The following RBFOX2 variants were observed in gnomAD, a reference collection of about 807,000 sequenced individuals.
The protein encoded by RBFOX2 is RNA binding protein fox-1 homolog 2.
A neutral mutation model predicts 49.1 loss-of-function variants in RBFOX2; 10 were observed. The ratio of observed to expected loss-of-function variants is 0.20; its 90% CI spans 0.13 to 0.35. RBFOX2 has a LOEUF of 0.35. Ranked by LOEUF, RBFOX2 falls within the 10% of genes least tolerant of loss-of-function variation. The pLI is 1.00. For synonymous variants in RBFOX2, 183 were observed against 187.4 expected (o/e 0.98, Z 0.19); for missense variants, 323 against 486.9 (o/e 0.66, Z 3.17).
At chr22:35,939,119 A>G, upstream of RBFOX2, 2 of 690,388 alleles carry the variant, frequency 2.9e-6, no homozygotes, top group Admixed American at 4.1e-5. Context: ...CATAAAAACT[A>G]TTTCTTCCTT....
upstream of RBFOX2, among the ~76,000 whole-genome samples, chr22:35,941,952 C>T (rs529706930): frequency 6.6e-6 from 1 of 152,070 alleles, no homozygotes; most frequent in South Asian, 2.1e-4. Context: ...ATTAATTTTG[C>T]GTGATTTTGA....
chr22:35,872,754 T>TC, intron 1 of RBFOX2, among the ~76,000 whole-genome samples: 1 of 152,294 alleles, frequency 6.6e-6, no homozygotes, highest in East Asian at 1.9e-4. Flanking sequence ...CTGGTGTTCG[T>TC]CTCTTGACAT....
intron 1 of RBFOX2, among the ~76,000 whole-genome samples, chr22:35,872,702 C>G (rs1338647307): frequency 1.3e-5 from 2 of 152,208 alleles, no homozygotes; most frequent in Non-Finnish European, 2.9e-5. Context: ...GGCTTGCTCC[C>G]TTGACGTCCT....
rs559981188 is a variant in RBFOX2, at chr22:35,791,219, C to T, written c.253-9473G>A. Reference sequence around the variant, plus strand: ...GGCCAACATGGTGAAACCTCGTCTCCACTAAAAATACAAAAATTAGCCAGG... The same window carrying T: ...GGCCAACATGGTGAAACCTCGTCTCTACTAAAAATACAAAAATTAGCCAGG... On this transcript the variant is annotated intron_variant, in intron 2 of 11. Transcript: ENST00000405409. Among the ~76,000 whole-genome samples, 18 of 151,602 alleles carry T rather than the reference C, an allele frequency of 1.2e-4. No homozygotes were observed. The East Asian group carries it at 3.3e-3, about 28-fold the overall frequency.
intron 1 of RBFOX2, among the ~76,000 whole-genome samples, chr22:35,813,197 C>G (rs1371999193): frequency 6.6e-6 from 1 of 152,106 alleles, no homozygotes; most frequent in African/African-American, 2.4e-5. Context: ...AACATTTTCT[C>G]TCATATAGCA....
At chr22:36,019,124 T>C (rs999639221) in intron 1 of RBFOX2, among the ~76,000 whole-genome samples, 7 of 152,200 alleles carry the variant, frequency 4.6e-5, no homozygotes, top group African/African-American at 1.7e-4. Context: ...GCCTTCCATG[T>C]ACCACTAAAA....
exon 12 of RBFOX2, chr22:35,743,289 G>A (rs1197793418): frequency 2.6e-5 from 4 of 152,060 alleles, no homozygotes; most frequent in Non-Finnish European, 4.4e-5. Context: ...TCACTTTTCT[G>A]TCCCTGGGTC....
chr22:35,971,298 C>T (rs1044993838), intron 1 of RBFOX2, among the ~76,000 whole-genome samples: 3 of 152,114 alleles, frequency 2.0e-5, no homozygotes, highest in Non-Finnish European at 4.4e-5. Context: ...ACTCAGTTTA[C>T]AATGTAAATA....
chr22:35,981,864 A>C (rs2057473537), intron 1 of RBFOX2, among the ~76,000 whole-genome samples: 1 of 152,160 alleles, frequency 6.6e-6, no homozygotes, highest in African/African-American at 2.4e-5. Context: ...GACAGCCCAC[A>C]CAGAATTCAC....
intron 1 of RBFOX2, among the ~76,000 whole-genome samples, chr22:35,932,364 A>G (rs2052530964): frequency 6.6e-6 from 1 of 152,198 alleles, no homozygotes; most frequent in Non-Finnish European, 1.5e-5. Flanking sequence ...TTGTTAAGAA[A>G]AGAAACCCTT....
chr22:35,977,755 T>G (rs1303867465), intron 1 of RBFOX2, among the ~76,000 whole-genome samples: 3 of 115,120 alleles, frequency 2.6e-5, no homozygotes, highest in African/African-American at 8.8e-5. Flanking sequence ...TATATATATA[T>G]ATATATACAT....
chr22:35,786,172 A>T (rs1946350134), intron 2 of RBFOX2, among the ~76,000 whole-genome samples: 1 of 152,206 alleles, frequency 6.6e-6, no homozygotes, highest in South Asian at 2.1e-4. Flanking sequence ...AAAACTAATG[A>T]TTACTTCAAA....
At chr22:36,017,316 C>G (rs1290238637) in intron 1 of RBFOX2, among the ~76,000 whole-genome samples, 1 of 152,060 alleles carries the variant, frequency 6.6e-6, no homozygotes, top group African/African-American at 2.4e-5. Flanking sequence ...ATCATGATGT[C>G]AGGAGTTCGA....
At chr22:35,937,780 G>A (rs1222537591) in intron 1 of RBFOX2, among the ~76,000 whole-genome samples, 3 of 151,994 alleles carry the variant, frequency 2.0e-5, no homozygotes, top group East Asian at 1.9e-4. Flanking sequence ...TAGTAGAGCC[G>A]GGGTTTCACT....
chr22:35,801,019 T>C (rs1175853800), intron 2 of RBFOX2, among the ~76,000 whole-genome samples: 1 of 152,178 alleles, frequency 6.6e-6, no homozygotes, highest in East Asian at 1.9e-4. Context: ...ATATACACAG[T>C]ACACCATCTT....
At chr22:35,754,770 A>T (rs1008115708) in intron 9 of RBFOX2, among the ~76,000 whole-genome samples, 2 of 152,230 alleles carry the variant, frequency 1.3e-5, no homozygotes, top group Non-Finnish European at 2.9e-5. Context: ...AAGTACAAAG[A>T]GAGGTAATGA....
chr22:35,739,232 T>C (rs1271550668), exon 12 of RBFOX2: 1 of 152,490 alleles, frequency 6.6e-6, no homozygotes, highest in African/African-American at 2.4e-5. Context: ...AGGAACAGCA[T>C]GTTGCATGTA....
At chr22:35,875,993 T>G (rs1162448038) in intron 1 of RBFOX2, among the ~76,000 whole-genome samples, 2 of 152,266 alleles carry the variant, frequency 1.3e-5, no homozygotes, top group South Asian at 2.1e-4. Context: ...AGGTAAATCT[T>G]AAGAATTCAA....
At chr22:35,828,306 G>A (rs190515604) in intron 1 of RBFOX2, among the ~76,000 whole-genome samples, 171 of 152,242 alleles carry the variant, frequency 1.1e-3, no homozygotes, top group Non-Finnish European at 1.7e-3. Context: ...CAAGCAAGTT[G>A]AGCTTTACAA....
Sources: allele counts gnomAD v4.1 joint callset (sites outside exome capture counted in the v4.1 genomes callset), GRCh38; gene constraint gnomAD v4.1.1; transcripts MANE v1.5; gene names NCBI Gene and HGNC (gene_info 2026-07-23, HGNC 2026-07-21).